The following RBM28 variants were observed in gnomAD, a reference collection of about 807,000 sequenced individuals.
RBM28 encodes RNA binding motif protein 28.
Under a neutral mutation model 98.3 loss-of-function variants are expected in RBM28, and 78 were observed. That is an observed-to-expected ratio of 0.79 (90% CI 0.66 to 0.96). RBM28 has a LOEUF of 0.96. Among genes scored for constraint, RBM28 ranks in the 40% least tolerant of loss-of-function variants. The probability of loss-of-function intolerance (pLI) is 0.00; values close to 1 mark genes in which losing one functional copy is unlikely to be tolerated. For synonymous variants in RBM28, 306 were observed against 330.9 expected (o/e 0.92, Z 0.82); for missense variants, 838 against 913.0 (o/e 0.92, Z 1.06).
At chr7:128,318,474 CAAA>C (rs35005841) in intron 14 of RBM28, among the ~76,000 whole-genome samples, 11 of 109,886 alleles carry the variant, frequency 1.0e-4, no homozygotes, top group Admixed American at 1.8e-4. Flanking sequence ...GACCCTGTCT[CAAA>C]AAAAAAAAAA....
In RBM28 at chr7:128,307,190, G is replaced by A. The variant is rs964994271; in HGVS notation, c.*3607C>T. The A allele has an allele frequency of 1.3e-5, 2 of 152,236 alleles. No homozygotes were observed. Among genetic ancestry groups the A allele is most frequent in the South Asian group, 4.1e-4 (2 of 4,836 alleles). The allele number at this position is 152,236 out of a possible 1,614,324, so 9.4% of individuals were successfully genotyped here. A position where few individuals can be genotyped will look rare whatever the true frequency, so the allele number is the denominator to read the frequency against. On this transcript the variant is annotated 3_prime_UTR_variant, in exon 19 of 19. Transcript: ENST00000223073. ...AAGGAGCAGTCTATGGAGAAGTGCAGGAACTTTCAAAGTTGCATGGGCAGA... is the reference window on the plus strand; with the variant it reads ...AAGGAGCAGTCTATGGAGAAGTGCAAGAACTTTCAAAGTTGCATGGGCAGA...
chr7:128,331,331 TA>T (rs34522896), intron 9 of RBM28, among the ~76,000 whole-genome samples: 154 of 139,394 alleles, frequency 1.1e-3, no homozygotes, highest in African/African-American at 1.8e-3. Context: ...TGTTATACCT[TA>T]AAAAAAAAAA....
rs1379365068 is a variant in RBM28, at chr7:128,301,464, C to T, written c.*9333G>A. The T allele has an allele frequency of 6.6e-6, 1 of 152,380 alleles. No homozygotes were observed. Among genetic ancestry groups the T allele is most frequent in the African/African-American group, 2.4e-5 (1 of 41,472 alleles). The allele number at this position is 152,380 out of a possible 1,614,324, so 9.4% of individuals were successfully genotyped here. ...TGTCCGTCAGCACTGACAGGGGCAA[C>T]ACCTGGCCTGGCACAAGGCTCTCCG... On this transcript the variant is annotated 3_prime_UTR_variant, in exon 19 of 19. Coordinates refer to ENST00000223073, the MANE Select transcript of RBM28 (RefSeq NM_018077.3).
chr7:128,330,974 G>C, intron 9 of RBM28, 46 bp from the exon 10 acceptor site: 1 of 1,253,728 alleles, frequency 8.0e-7, no homozygotes, highest in Non-Finnish European at 1.2e-6. Flanking sequence ...AATTACATAA[G>C]TGAGATCCTA....
rs73230638 is a variant in RBM28, at chr7:128,313,185, G to A, written c.2135C>T (p.Ser712Leu). 3.8e-3 allele frequency: 6,059 copies of A among 1,613,888 alleles called. 13 individuals are homozygous for A. Among genetic ancestry groups the A allele is most frequent in the Non-Finnish European group, 4.5e-3 (5,280 of 1,179,784 alleles). The part of the protein sequence containing the change: ...NQWKQEKQQL[S>L]SEQVSRKKAK... ...TCCTGCAGAACTCACCTGCTCGGAC[G>A]ATAATTGCTGCTTCTCCTGCTTCCA... The change falls in exon 18 of 19, where the codon TCG (serine) becomes TTG (leucine). Residue 712 changes from serine to leucine, a missense_variant. By Grantham distance (145) the Ser-to-Leu change is moderately radical (BLOSUM62 -2). Transcript: ENST00000223073.
rs756134257 is a variant in RBM28, at chr7:128,318,122, G to GA, written c.1564-17dup. The stretch of plus-strand genomic sequence containing the variant: ...TCACTCTACACTATGAGTAGAGCAA[G>GA]AAAAAAATCAGTAATTACAGAATGA... On this transcript the variant is annotated splice_polypyrimidine_tract_variant and intron_variant, in intron 14 of 18. Coordinates refer to ENST00000223073, the MANE Select transcript of RBM28 (RefSeq NM_018077.3). 2.7e-5 allele frequency: 44 copies of GA among 1,602,180 alleles called. 3 individuals carry two copies. The Admixed American group carries it at 5.5e-4, about 20-fold the overall frequency.
chr7:128,308,060 C>CACTAAAATT lies in RBM28; in HGVS notation c.*2728_*2736dup, dbSNP rs1795900980. On this transcript the variant is annotated 3_prime_UTR_variant, in exon 19 of 19. Coordinates refer to ENST00000223073, the MANE Select transcript of RBM28 (RefSeq NM_018077.3). ...GGAGAAGTGAGCACAACTCTCACTG[C>CACTAAAATT]ACTAAAATTCCCAAGGCAAGGAGTC... is the stretch of plus-strand genomic sequence containing the variant. 1 of 152,190 alleles carries CACTAAAATT rather than the reference C, an allele frequency of 6.6e-6. No homozygotes were observed. The highest frequency in any genetic ancestry group is 2.1e-4 in the South Asian group (1 of 4,822). 9.4% of individuals were successfully genotyped at this position (152,190 alleles called of 1,614,324 possible).
intron 1 of RBM28, among the ~76,000 whole-genome samples, chr7:128,340,092 C>T (rs1258722802): frequency 6.6e-6 from 1 of 152,092 alleles, no homozygotes; most frequent in Non-Finnish European, 1.5e-5. Context: ...GAATCCATGA[C>T]ATATGAGGCC....
intron 3 of RBM28, 72 bp downstream of exon 3, chr7:128,339,155 G>A (rs569851532): frequency 1.6e-6 from 2 of 1,289,680 alleles, no homozygotes; most frequent in African/African-American, 2.9e-5. Flanking sequence ...TTGGTGAGGA[G>A]TTCTACTAAT....
At chr7:128,340,480 A>G (rs1371024284) in intron 1 of RBM28, among the ~76,000 whole-genome samples, 1 of 152,202 alleles carries the variant, frequency 6.6e-6, no homozygotes, top group Admixed American at 6.5e-5. Flanking sequence ...CACCAGATAC[A>G]GCCACTAAAC....
At chr7:128,332,409 A>G (rs1178921466) in intron 9 of RBM28, among the ~76,000 whole-genome samples, 1 of 151,738 alleles carries the variant, frequency 6.6e-6, no homozygotes, top group Non-Finnish European at 1.5e-5. Context: ...GCTGGAGTGC[A>G]GTGGCACAAT....
At position 128,343,592 on chromosome 7, in the gene RBM28, A is replaced by G. The variant is rs1796775288; in HGVS notation, c.118+84T>C. The G allele has an allele frequency of 4.1e-6, 4 of 984,574 alleles. No individual in the cohort carries two copies. In the Admixed American group the frequency reaches 9.4e-5, roughly 23 times the overall value. The allele number at this position is 984,574 out of a possible 1,614,324, so 61.0% of individuals were successfully genotyped here. A position where few individuals can be genotyped will look rare whatever the true frequency, so the allele number is the denominator to read the frequency against. On this transcript the variant is annotated intron_variant, in intron 1 of 18. Transcript: ENST00000223073. ...TGTCCCTTCTCTTCGGGGAGGGTAA[A>G]GAATGATACGGCTCCCTGAAGTTTG... is the stretch of plus-strand genomic sequence containing the variant.
In RBM28 at chr7:128,324,574, G is replaced by C. The variant is rs1199464228; in HGVS notation, c.1324C>G (p.Leu442Val). ...CCCTACTCACAGCCTTCTCGGGCCA[G>C]ATAGAGATTCCGGGTGCCAGTCGGC... ...KKPTGTRNLYLAREGLIRAGT... is the reference protein window; with the variant it reads ...KKPTGTRNLYVAREGLIRAGT... Residue 442 changes from leucine to valine, a missense_variant, in exon 12 of 19, where the codon CTG (leucine) becomes GTG (valine). Coordinates refer to ENST00000223073, the MANE Select transcript of RBM28 (RefSeq NM_018077.3). 1 of 1,614,214 alleles carries C rather than the reference G, an allele frequency of 6.2e-7. No individual in the cohort carries two copies. Among genetic ancestry groups the C allele is most frequent in the East Asian group, 2.2e-5 (1 of 44,882 alleles).
Position 128,299,481 on chromosome 7 carries a change from C to G in RBM28, c.*11316G>C, listed in dbSNP as rs1795752906. 6.6e-6 allele frequency: 1 copy of G among 152,196 alleles called. No homozygotes were observed. Among genetic ancestry groups the G allele is most frequent in the Non-Finnish European group, 1.5e-5 (1 of 68,058 alleles). The allele number at this position is 152,196 out of a possible 1,614,324, so 9.4% of individuals were successfully genotyped here. A position where few individuals can be genotyped will look rare whatever the true frequency, so the allele number is the denominator to read the frequency against. Reference sequence around the variant, plus strand: ...GTTGTTTACTCTCTCCCCAAAGTAGCTAGCCCTGGGAGGGGCAGTCTCTCC... The same window carrying G: ...GTTGTTTACTCTCTCCCCAAAGTAGGTAGCCCTGGGAGGGGCAGTCTCTCC... On this transcript the variant is annotated 3_prime_UTR_variant, in exon 19 of 19. Transcript: ENST00000223073.
At chr7:128,339,475 TA>T (rs150043872) in intron 2 of RBM28, among the ~76,000 whole-genome samples, 154 bp from the exon 3 acceptor site, 2,581 of 152,336 alleles carry the variant, frequency 0.017, 37 homozygotes, top group Non-Finnish European at 0.025. Context: ...TCCAAAGAAC[TA>T]AAATGAGTAT....
chr7:128,312,078 G>A (rs1280722468), intron 18 of RBM28, among the ~76,000 whole-genome samples: 3 of 137,718 alleles, frequency 2.2e-5, no homozygotes, highest in Non-Finnish European at 3.3e-5. Flanking sequence ...TGCCTCAGGC[G>A]ATATAAGGAA....
At chr7:128,321,235 A>G (rs757055580) in intron 14 of RBM28, 31 bp downstream of exon 14, 1 of 1,613,514 alleles carries the variant, frequency 6.2e-7, no homozygotes, top group East Asian at 2.2e-5. Context: ...ATCAGAATGA[A>G]AGCTCCAAAA....
At chr7:128,324,358 T>C (rs1429390145) in intron 12 of RBM28, among the ~76,000 whole-genome samples, 1 of 152,178 alleles carries the variant, frequency 6.6e-6, no homozygotes, top group African/African-American at 2.4e-5. Context: ...GAAAAGATAA[T>C]GGGACAGTTA....
rs1191699012 is a variant in RBM28, at chr7:128,305,137, G to A, written c.*5660C>T. The A allele has an allele frequency of 6.7e-6, 1 of 148,274 alleles. No homozygotes were observed. The highest frequency in any genetic ancestry group is 1.5e-5 in the Non-Finnish European group (1 of 67,504). The allele number at this position is 148,274 out of a possible 1,614,324, so 9.2% of individuals were successfully genotyped here. ...TCATGCCACTGCACTCCAGCCCTGG[G>A]CAACAAGAATGAAACTCTGTCTCAA... On this transcript the variant is annotated 3_prime_UTR_variant, in exon 19 of 19. Transcript: ENST00000223073.
Sources: allele counts gnomAD v4.1 joint callset (sites outside exome capture counted in the v4.1 genomes callset), GRCh38; gene constraint gnomAD v4.1.1; transcripts MANE v1.5; gene names NCBI Gene and HGNC (gene_info 2026-07-23, HGNC 2026-07-21).